Variants in PRKG1 observed in about 807,000 individuals in gnomAD.
The protein encoded by PRKG1 is cGMP-dependent protein kinase 1.
Under a neutral mutation model 88.1 loss-of-function variants are expected in PRKG1, and 35 were observed. That is an observed-to-expected ratio of 0.40 (90% confidence interval 0.30 to 0.53). The LOEUF is 0.53. PRKG1 is among the 20% of genes least tolerant of loss of function. The pLI is 0.59. For synonymous variants in PRKG1, 303 were observed against 292.5 expected (o/e 1.04, Z -0.37); for missense variants, 540 against 839.8 (o/e 0.64, Z 4.41).
rs74579620 is a variant in PRKG1, at chr10:51,410,538, T to A, written c.479-57185T>A. Among the ~76,000 whole-genome samples the A allele has an allele frequency of 4.9e-4, 75 of 152,188 alleles. No individual in the cohort carries two copies. In the East Asian group the frequency reaches 0.01, roughly 20 times the overall value. On this transcript the variant is annotated intron_variant, in intron 2 of 17. Transcript: ENST00000373980. ...CTGATTAGATGGTGCCCACCCAGATTAAGGGTGGATCTGCCTTCCCAGACC... is the reference window on the plus strand; with the variant it reads ...CTGATTAGATGGTGCCCACCCAGATAAAGGGTGGATCTGCCTTCCCAGACC...
intron 3 of PRKG1, among the ~76,000 whole-genome samples, chr10:51,747,460 G>A (rs184061546): frequency 1.3e-3 from 195 of 152,196 alleles, no homozygotes; most frequent in Non-Finnish European, 2.3e-3. Context: ...ATGTCTGAAG[G>A]CGCAGATGGA....
At chr10:51,587,309 G>A (rs1409747867) in intron 3 of PRKG1, among the ~76,000 whole-genome samples, 4 of 152,154 alleles carry the variant, frequency 2.6e-5, no homozygotes, top group African/African-American at 9.6e-5. Context: ...AAGCGAAGCT[G>A]TAATGAATAG....
At chr10:51,440,773 T>C (rs1485124595) in intron 2 of PRKG1, among the ~76,000 whole-genome samples, 1 of 151,884 alleles carries the variant, frequency 6.6e-6, no homozygotes, top group Non-Finnish European at 1.5e-5. Flanking sequence ...ATTTTTCTGC[T>C]TAAAAAATCT....
intron 1 of PRKG1, among the ~76,000 whole-genome samples, chr10:51,142,786 G>C (rs935321206): frequency 6.6e-6 from 1 of 151,978 alleles, no homozygotes; most frequent in Admixed American, 6.6e-5. Flanking sequence ...GAAATGTTTT[G>C]AAAACATGAA....
chr10:51,343,020 C>T (rs1842035779), intron 2 of PRKG1, among the ~76,000 whole-genome samples: 1 of 152,164 alleles, frequency 6.6e-6, no homozygotes, highest in Non-Finnish European at 1.5e-5. Context: ...AGGTAGACTT[C>T]ACAGGAAAAG....
At chr10:51,946,172 T>C (rs1048787620) in intron 5 of PRKG1, among the ~76,000 whole-genome samples, 2 of 152,060 alleles carry the variant, frequency 1.3e-5, no homozygotes, top group Non-Finnish European at 2.9e-5. Context: ...TTTATTCTTT[T>C]TTCTCTAAAC....
intron 5 of PRKG1, among the ~76,000 whole-genome samples, chr10:52,033,346 A>G (rs1845518677): frequency 6.6e-6 from 1 of 152,172 alleles, no homozygotes; most frequent in Admixed American, 6.5e-5. Flanking sequence ...GTCAAAGTTG[A>G]TAAAACAACA....
chr10:52,063,680 C>T (rs1361814027), intron 7 of PRKG1, among the ~76,000 whole-genome samples: 1 of 152,262 alleles, frequency 6.6e-6, no homozygotes, highest in Admixed American at 6.5e-5. Context: ...AGAAAACCTG[C>T]AGTGGGCAGC....
At chr10:51,462,718 G>A (rs183064911) in intron 2 of PRKG1, among the ~76,000 whole-genome samples, 164 of 152,134 alleles carry the variant, frequency 1.1e-3, no homozygotes, top group Non-Finnish European at 1.9e-3. Flanking sequence ...TGCCAGGAGC[G>A]ATAAAAGAGC....
At chr10:52,228,253 T>A (rs907498262) in intron 9 of PRKG1, among the ~76,000 whole-genome samples, 10 of 151,470 alleles carry the variant, frequency 6.6e-5, no homozygotes, top group Middle Eastern at 3.4e-3. Context: ...TCCAAAAATA[T>A]TCTGATTTGG....
intron 1 of PRKG1, among the ~76,000 whole-genome samples, chr10:51,034,668 T>TTATATATATATATATATA (rs1554831108): frequency 1.5e-5 from 1 of 68,188 alleles, no homozygotes; most frequent in African/African-American, 5.4e-5. Context: ...AATATGTTAT[T>TTATATATATATATATATA]TATATATATA....
At chr10:51,585,983 G>A in intron 3 of PRKG1, among the ~76,000 whole-genome samples, 1 of 152,064 alleles carries the variant, frequency 6.6e-6, no homozygotes, top group East Asian at 1.9e-4. Flanking sequence ...AGAGTGGGGA[G>A]GTAGGGCAAG....
intron 2 of PRKG1, among the ~76,000 whole-genome samples, chr10:51,282,398 T>G (rs1238073854): frequency 6.6e-6 from 1 of 152,106 alleles, no homozygotes; most frequent in Non-Finnish European, 1.5e-5. Context: ...CACCAGCATA[T>G]AATGAGAACT....
At chr10:51,148,983 C>T (rs554043216) in intron 1 of PRKG1, among the ~76,000 whole-genome samples, 6 of 152,104 alleles carry the variant, frequency 3.9e-5, no homozygotes, top group Non-Finnish European at 8.8e-5. Context: ...CATCCCCTGC[C>T]TACCTCAGTG....
chr10:51,006,486 A>G (rs1167069217), intron 1 of PRKG1, among the ~76,000 whole-genome samples: 1 of 152,186 alleles, frequency 6.6e-6, no homozygotes, highest in Non-Finnish European at 1.5e-5. Flanking sequence ...AATATATAAG[A>G]ACTTTTAACC....
At chr10:51,289,417 C>T (rs1840525052) in intron 2 of PRKG1, among the ~76,000 whole-genome samples, 1 of 152,154 alleles carries the variant, frequency 6.6e-6, no homozygotes, top group African/African-American at 2.4e-5. Context: ...CCCAGTGAAG[C>T]TTGACAACAG....
At chr10:51,453,515 A>G (rs1475339925) in intron 2 of PRKG1, among the ~76,000 whole-genome samples, 2 of 151,936 alleles carry the variant, frequency 1.3e-5, no homozygotes, top group Non-Finnish European at 2.9e-5. Flanking sequence ...GTTGTGTACT[A>G]TTATCATTCA....
intron 2 of PRKG1, among the ~76,000 whole-genome samples, chr10:51,224,187 A>G (rs1471528474): frequency 6.6e-6 from 1 of 152,212 alleles, no homozygotes; most frequent in African/African-American, 2.4e-5. Flanking sequence ...AGATTTGGAC[A>G]CACTGGAAAA....
At chr10:51,235,378 G>T (rs1838957711) in intron 2 of PRKG1, among the ~76,000 whole-genome samples, 1 of 151,434 alleles carries the variant, frequency 6.6e-6, no homozygotes, top group Non-Finnish European at 1.5e-5. Context: ...CAGGCAATTT[G>T]TTCTAAATCA....
Sources: gnomAD v4.1 joint callset for allele counts (sites outside exome capture counted in the v4.1 genomes callset) on GRCh38, gnomAD v4.1.1 for gene constraint, MANE v1.5 for transcripts, NCBI Gene and HGNC (gene_info 2026-07-23, HGNC 2026-07-21) for gene names.